PRKN: variants seen among roughly 807,000 people sequenced by gnomAD.
PRKN encodes E3 ubiquitin-protein ligase parkin.
A neutral mutation model predicts 59.5 loss-of-function variants in PRKN; 56 were observed. The observed-to-expected ratio is 0.94, with a 90% CI of 0.76 to 1.18. PRKN has a LOEUF of 1.18. Ranked by LOEUF, PRKN falls within the 50% of genes most tolerant of loss-of-function variation. The pLI, the probability that PRKN is intolerant of heterozygous loss-of-function variation, is 0.00. For missense variants in PRKN, 657 were observed against 596.4 expected (o/e 1.10, Z -1.06); for synonymous variants, 250 against 222.1 (o/e 1.13, Z -1.12).
intron 9 of PRKN, among the ~76,000 whole-genome samples, chr6:161,514,192 G>A (rs1778503154): frequency 1.3e-5 from 2 of 151,776 alleles, no homozygotes; most frequent in Non-Finnish European, 2.9e-5. Flanking sequence ...AGAGAGAGTG[G>A]AAAAAAACAA....
chr6:161,725,854 C>T (rs554384466), intron 7 of PRKN, among the ~76,000 whole-genome samples: 10 of 152,134 alleles, frequency 6.6e-5, no homozygotes, highest in Non-Finnish European at 1.3e-4. Context: ...GGGACCAGTC[C>T]CTCTTCTCCC....
At chr6:162,089,075 T>C (rs894820719) in intron 4 of PRKN, among the ~76,000 whole-genome samples, 2 of 152,148 alleles carry the variant, frequency 1.3e-5, no homozygotes, top group African/African-American at 4.8e-5. Flanking sequence ...ACAACTTTTG[T>C]TCTTCAAAGA....
intron 1 of PRKN, among the ~76,000 whole-genome samples, chr6:162,532,284 TTATGA>T (rs1388532450): frequency 1.4e-5 from 2 of 139,246 alleles, no homozygotes; most frequent in African/African-American, 2.5e-5. Flanking sequence ...AAATATGCAC[TTATGA>T]TATATGCACG....
intron 7 of PRKN, chr6:161,783,812 C>A: frequency 2.5e-6 from 1 of 399,416 alleles, no homozygotes; most frequent in South Asian, 2.0e-5. Context: ...TTTTCCTTAA[C>A]AATATGTTAA....
At chr6:161,971,227 G>A (rs75453767) in intron 6 of PRKN, among the ~76,000 whole-genome samples, 2 of 152,080 alleles carry the variant, frequency 1.3e-5, no homozygotes, top group Admixed American at 6.5e-5. Context: ...CATTCTCTTC[G>A]AAAGATGTTG....
intron 1 of PRKN, among the ~76,000 whole-genome samples, chr6:162,612,029 C>T (rs113982437): frequency 0.021 from 2,800 of 134,818 alleles, 87 homozygotes; most frequent in African/African-American, 0.068. Flanking sequence ...ACTAAAAATA[C>T]GAAAAAAAAA....
intron 1 of PRKN, among the ~76,000 whole-genome samples, chr6:162,605,040 G>T (rs1254999676): frequency 1.3e-5 from 2 of 152,042 alleles, no homozygotes; most frequent in Non-Finnish European, 2.9e-5. Context: ...TTACTTGCAT[G>T]TATTTCTAAT....
chr6:161,752,301 G>T (rs1788728838), intron 7 of PRKN, among the ~76,000 whole-genome samples: 3 of 152,156 alleles, frequency 2.0e-5, no homozygotes, highest in Admixed American at 1.3e-4. Context: ...ACTCAGGGCA[G>T]AGGCTGCAGT....
intron 4 of PRKN, among the ~76,000 whole-genome samples, chr6:162,184,484 C>G (rs1260264010): frequency 6.6e-6 from 1 of 152,114 alleles, no homozygotes; most frequent in Admixed American, 6.6e-5. Flanking sequence ...GGATTAAGTT[C>G]TCATGAGATC....
In PRKN at chr6:161,783,905, T is replaced by A. The variant is rs1790311406; in HGVS notation, c.871+1867A>T. Among the ~76,000 whole-genome samples the A allele has an allele frequency of 2.6e-5, 4 of 152,178 alleles. No homozygotes were observed. The South Asian group carries it at 8.3e-4, about 31-fold the overall frequency. On this transcript the variant is annotated intron_variant, in intron 7 of 11. Transcript: ENST00000366898. ...AAAGTGAGTATCATAATTTACAAAG[T>A]CAACAAAGAAATTAATTTATTCCAT...
At chr6:162,618,061 G>C (rs1275613615) in intron 1 of PRKN, among the ~76,000 whole-genome samples, 2 of 152,144 alleles carry the variant, frequency 1.3e-5, no homozygotes, top group Non-Finnish European at 2.9e-5. Flanking sequence ...TGCTGTTAGT[G>C]TTAAACATTA....
intron 2 of PRKN, among the ~76,000 whole-genome samples, chr6:162,374,897 A>C (rs1022623088): frequency 6.6e-6 from 1 of 152,130 alleles, no homozygotes; most frequent in African/African-American, 2.4e-5. Context: ...GAGTTAGATA[A>C]ATAGTATTTG....
chr6:161,806,022 G>C (rs1160497718), intron 6 of PRKN, among the ~76,000 whole-genome samples: 3 of 152,316 alleles, frequency 2.0e-5, no homozygotes, highest in African/African-American at 7.2e-5. Flanking sequence ...CTACTCCCTG[G>C]CATAGGCCTT....
At chr6:161,630,315 A>T (rs1354014713) in intron 7 of PRKN, among the ~76,000 whole-genome samples, 1 of 151,806 alleles carries the variant, frequency 6.6e-6, no homozygotes, top group Non-Finnish European at 1.5e-5. Context: ...AATCAGCGCA[A>T]CTCTCTGAGG....
chr6:162,380,447 G>GTA (rs1562716412), intron 2 of PRKN, among the ~76,000 whole-genome samples: 2 of 51,342 alleles, frequency 3.9e-5, no homozygotes, highest in Non-Finnish European at 6.7e-5. Flanking sequence ...ATATATATAT[G>GTA]TATATATACA....
chr6:162,134,531 C>T (rs1781494934), intron 4 of PRKN, among the ~76,000 whole-genome samples: 1 of 151,994 alleles, frequency 6.6e-6, no homozygotes, highest in Non-Finnish European at 1.5e-5. Context: ...TGAATGGGCC[C>T]AGACACTTCA....
chr6:162,082,301 G>A (rs1163675065), intron 4 of PRKN, among the ~76,000 whole-genome samples: 5 of 152,012 alleles, frequency 3.3e-5, no homozygotes, highest in African/African-American at 1.2e-4. Context: ...CCATGATTAT[G>A]AGGCCTCCCC....
intron 4 of PRKN, among the ~76,000 whole-genome samples, chr6:162,151,717 T>C (rs554893049): frequency 6.6e-6 from 1 of 152,234 alleles, no homozygotes; most frequent in African/African-American, 2.4e-5. Context: ...GTCTTGCCAG[T>C]CCCACTTTAA....
intron 1 of PRKN, chr6:162,569,766 G>A (rs1780237420): frequency 9.9e-6 from 5 of 502,766 alleles, no homozygotes; most frequent in South Asian, 9.6e-5. Flanking sequence ...CCCCTCTGGT[G>A]GCTGCCCCAG....
Sources: gnomAD v4.1 joint callset for allele counts (sites outside exome capture counted in the v4.1 genomes callset) on GRCh38, gnomAD v4.1.1 for gene constraint, MANE v1.5 for transcripts, NCBI Gene and HGNC (gene_info 2026-07-23, HGNC 2026-07-21) for gene names.